The following SLC27A6 variants were observed in gnomAD, a reference collection of about 807,000 sequenced individuals.
SLC27A6 encodes the protein long-chain fatty acid transport protein 6.
In SLC27A6, 74 loss-of-function variants were observed where a neutral mutation model predicts 63.9. The ratio of observed to expected loss-of-function variants is 1.16; its 90% CI spans 0.96 to 1.40. The LOEUF is 1.40. Ranked by LOEUF, SLC27A6 falls within the 40% of genes most tolerant of loss-of-function variation. The pLI is 0.00. For synonymous variants in SLC27A6, 287 were observed against 260.8 expected (o/e 1.10, Z -0.97); for missense variants, 794 against 732.9 (o/e 1.08, Z -0.96).
chr5:129,021,146 G>T (rs1752062051), intron 5 of SLC27A6, among the ~76,000 whole-genome samples: 1 of 149,296 alleles, frequency 6.7e-6, no homozygotes, highest in South Asian at 2.2e-4. Context: ...ATGTGCCTCA[G>T]AGACCCCATT....
chr5:128,978,371 A>T (rs257896), intron 1 of SLC27A6, among the ~76,000 whole-genome samples: 100,283 of 152,076 alleles, frequency 0.66, 33,775 homozygotes, highest in East Asian at 0.88. Flanking sequence ...GTTACTTAAT[A>T]GTTTACCATT....
chr5:129,029,752 C>A (rs1299651730), intron 9 of SLC27A6, 45 bp downstream of exon 9: 6 of 1,526,864 alleles, frequency 3.9e-6, no homozygotes, highest in Admixed American at 4.2e-5. Flanking sequence ...AGACAGTAAA[C>A]AAGGAAGTAG....
intron 5 of SLC27A6, among the ~76,000 whole-genome samples, chr5:129,017,555 A>G (rs967579211): frequency 3.3e-5 from 5 of 152,164 alleles, no homozygotes; most frequent in African/African-American, 7.2e-5. Flanking sequence ...AATTAATGAC[A>G]TAGAAAAAAT....
At chr5:129,027,409 T>C in intron 7 of SLC27A6, 78 bp downstream of exon 7, 1 of 1,088,936 alleles carries the variant, frequency 9.2e-7, no homozygotes, top group Non-Finnish European at 1.4e-6. Flanking sequence ...AGACCACATA[T>C]GCTTTAGCTT....
chr5:128,976,619 T>G (rs1320654579), intron 1 of SLC27A6, among the ~76,000 whole-genome samples: 1 of 152,228 alleles, frequency 6.6e-6, no homozygotes, highest in Admixed American at 6.5e-5. Flanking sequence ...TGGTTGAAAG[T>G]CATTTGGAGA....
rs982016405 is a variant in SLC27A6, at chr5:128,988,537, G to A, written c.686-63G>A. 4.8e-6 allele frequency: 6 copies of A among 1,240,674 alleles called. No homozygotes were observed. The Admixed American group carries it at 9.8e-5, about 20-fold the overall frequency. The allele number at this position is 1,240,674 out of a possible 1,614,324, so 76.9% of individuals were successfully genotyped here. A position where few individuals can be genotyped will look rare whatever the true frequency, so the allele number is the denominator to read the frequency against. On this transcript the variant is annotated intron_variant, in intron 2 of 9. Coordinates refer to ENST00000262462, the MANE Select transcript of SLC27A6 (RefSeq NM_001017372.3). ...ACTTCCTTTCTAGTTATATGAATAT[G>A]TATGCATATGTATATGTATGTATGT...
intron 4 of SLC27A6, among the ~76,000 whole-genome samples, chr5:129,003,308 CT>C (rs11350808): frequency 0.23 from 35,067 of 152,190 alleles, 4,146 homozygotes; most frequent in Middle Eastern, 0.29. Flanking sequence ...TGTTTGCAAA[CT>C]GTAAGATACA....
At chr5:129,028,522 A>G in intron 8 of SLC27A6, 80 bp downstream of exon 8, 1 of 825,816 alleles carries the variant, frequency 1.2e-6, no homozygotes, top group South Asian at 1.6e-5. Context: ...AGTCTTGCTA[A>G]TTCAACATTT....
At chr5:129,018,902 G>A (rs1429820666) in intron 5 of SLC27A6, among the ~76,000 whole-genome samples, 1 of 152,018 alleles carries the variant, frequency 6.6e-6, no homozygotes, top group African/African-American at 2.4e-5. Flanking sequence ...ATGACTTCTA[G>A]TCTGTCTTTT....
At chr5:128,967,032 T>G (rs1040914078) in intron 1 of SLC27A6, among the ~76,000 whole-genome samples, 1 of 152,208 alleles carries the variant, frequency 6.6e-6, no homozygotes, top group African/African-American at 2.4e-5. Flanking sequence ...GCAGAAGAGA[T>G]ATGTTTAAAG....
chr5:128,969,578 G>T (rs1750055755), intron 1 of SLC27A6, among the ~76,000 whole-genome samples: 1 of 152,112 alleles, frequency 6.6e-6, no homozygotes, highest in Non-Finnish European at 1.5e-5. Flanking sequence ...TCTGTTTTTG[G>T]TGTAAAGGAA....
At chr5:128,984,823 AG>A (rs1249996743) in intron 1 of SLC27A6, among the ~76,000 whole-genome samples, 4 of 152,238 alleles carry the variant, frequency 2.6e-5, no homozygotes, top group Admixed American at 2.0e-4. Flanking sequence ...ATTTAGATTC[AG>A]ACAGAGTTTT....
chr5:129,016,795 T>A (rs954910821), intron 5 of SLC27A6, among the ~76,000 whole-genome samples: 8 of 152,166 alleles, frequency 5.3e-5, no homozygotes, highest in African/African-American at 1.9e-4. Context: ...ATACAGGCTT[T>A]TAATAATTTT....
chr5:129,006,446 AGTGTGTGTGTGTGTGTGTGTGT>A (rs72056782), intron 4 of SLC27A6, among the ~76,000 whole-genome samples: 3 of 144,044 alleles, frequency 2.1e-5, no homozygotes, highest in African/African-American at 7.8e-5. Flanking sequence ...TATATGCATG[AGTGTGTGTGTGTGTGTGTGTGT>A]GTGTGTGTGT....
rs529756120 is a variant in SLC27A6 at position 129,028,316 on chromosome 5, C to G, written c.1455-29C>G. 110 of 1,476,260 alleles carry G rather than the reference C, an allele frequency of 7.5e-5. 1 individual carries two copies. The South Asian group carries it at 1.1e-3, about 15-fold the overall frequency. 91.4% of individuals were successfully genotyped at this position (1,476,260 alleles called of 1,614,324 possible). ...ACCTAGTTTTTCAAATACAGGTGCA[C>G]TAACTGGAATTTGATTTTTTTCATT... On this transcript the variant is annotated intron_variant, in intron 7 of 9. Coordinates refer to ENST00000262462, the MANE Select transcript of SLC27A6 (RefSeq NM_001017372.3).
chr5:128,982,444 G>A (rs1750628995), intron 1 of SLC27A6, among the ~76,000 whole-genome samples: 1 of 152,092 alleles, frequency 6.6e-6, no homozygotes. Flanking sequence ...TTCCAACAAA[G>A]ATTTGGAGCC....
At chr5:128,992,129 TGGGGC>T (rs1231616034) in intron 4 of SLC27A6, among the ~76,000 whole-genome samples, 4,174 of 144,294 alleles carry the variant, frequency 0.029, 249 homozygotes, top group African/African-American at 0.1. Context: ...CTACGTGGGG[TGGGGC>T]AACAGAACCT....
intron 1 of SLC27A6, among the ~76,000 whole-genome samples, chr5:128,975,232 T>A (rs997831075): frequency 1.3e-5 from 2 of 152,104 alleles, no homozygotes; most frequent in Non-Finnish European, 2.9e-5. Context: ...ACACTGGTAA[T>A]CCCAGCTACT....
chr5:128,988,536 T>C (rs546372996), intron 2 of SLC27A6, 64 bp from the exon 3 acceptor site: 2 of 1,238,870 alleles, frequency 1.6e-6, no homozygotes, highest in African/African-American at 1.5e-5. Flanking sequence ...TATATGAATA[T>C]GTATGCATAT....
Sources: allele counts gnomAD v4.1 joint callset (sites outside exome capture counted in the v4.1 genomes callset), GRCh38; gene constraint gnomAD v4.1.1; transcripts MANE v1.5; gene names NCBI Gene and HGNC (gene_info 2026-07-23, HGNC 2026-07-21).